The following PTGS1 variants were observed in gnomAD, a reference collection of about 807,000 sequenced individuals.
PTGS1 encodes prostaglandin-endoperoxide synthase 1, also known as prostaglandin G/H synthase 1.
PTGS1 carries 40 observed loss-of-function variants against 63.0 expected under a neutral mutation model. The observed-to-expected ratio is 0.63, with a 90% CI of 0.49 to 0.83. The LOEUF is 0.83. PTGS1 is among the 40% of genes least tolerant of loss of function. The pLI, the probability that PTGS1 is intolerant of heterozygous loss-of-function variation, is 0.00. For synonymous variants in PTGS1, 298 were observed against 301.9 expected (o/e 0.99, Z 0.13); for missense variants, 709 against 786.5 (o/e 0.90, Z 1.18).
chr9:122,394,849 A>G lies in PTGS1; in HGVS notation c.*2305A>G, dbSNP rs1042835390. The stretch of plus-strand genomic sequence containing the variant: ...TCTCAAGACTTTAGCTTTTCCTTCC[A>G]TCCGGTGGCCTATTCCAGGAATTCC... On this transcript the variant is annotated 3_prime_UTR_variant, in exon 11 of 11. Transcript: ENST00000362012. 5 of 151,912 alleles carry G rather than the reference A, an allele frequency of 3.3e-5. No individual in the cohort carries two copies. The highest frequency in any genetic ancestry group is 1.2e-4 in the African/African-American group (5 of 41,320). The allele number at this position is 151,912 out of a possible 1,614,324, so 9.4% of individuals were successfully genotyped here.
At chr9:122,377,232 G>C in intron 2 of PTGS1, among the ~76,000 whole-genome samples, 1 of 151,974 alleles carries the variant, frequency 6.6e-6, no homozygotes, top group East Asian at 1.9e-4. Context: ...GAGGCTGTGG[G>C]GGTGGAGTGG....
chr9:122,377,642 G>A (rs553212745), intron 2 of PTGS1, among the ~76,000 whole-genome samples: 7 of 152,260 alleles, frequency 4.6e-5, no homozygotes, highest in Admixed American at 3.9e-4. Context: ...GGGAGGGGGC[G>A]CTTCCCCTGG....
intron 8 of PTGS1, among the ~76,000 whole-genome samples, chr9:122,384,349 TCAC>T (rs1837739617): frequency 6.6e-6 from 1 of 152,030 alleles, no homozygotes; most frequent in Non-Finnish European, 1.5e-5. Flanking sequence ...TCGCTCTGAG[TCAC>T]CAGTAACTCC....
Position 122,392,204 on chromosome 9 carries a change from C to T in PTGS1, c.1460C>T (p.Ala487Val), listed in dbSNP as rs1487722775. ...FQELVGEKEM[A>V]AELEELYGDI... ...CTCCTTGTAGGAGAGAAGGAGATGGCAGCAGAGTTGGAGGAATTGTATGGA... is the reference window on the plus strand; with the variant it reads ...CTCCTTGTAGGAGAGAAGGAGATGGTAGCAGAGTTGGAGGAATTGTATGGA... Residue 487 changes from alanine to valine, a missense_variant, in exon 11 of 11, where the codon GCA (alanine) becomes GTA (valine). Coordinates refer to ENST00000362012, the MANE Select transcript of PTGS1 (RefSeq NM_000962.4). The T allele has an allele frequency of 6.3e-7, 1 of 1,589,548 alleles. No individual in the cohort carries two copies. Among genetic ancestry groups the T allele is most frequent in the South Asian group, 1.1e-5 (1 of 88,616 alleles).
chr9:122,390,145 C>G, intron 9 of PTGS1, 53 bp from the exon 10 acceptor site: 1 of 1,586,386 alleles, frequency 6.3e-7, no homozygotes, highest in South Asian at 1.2e-5. Context: ...TACCCAGGCT[C>G]CAGGACAGCC....
chr9:122,387,994 C>T (rs1837977691), intron 9 of PTGS1, among the ~76,000 whole-genome samples: 1 of 152,262 alleles, frequency 6.6e-6, no homozygotes, highest in South Asian at 2.1e-4. Context: ...CGGTGGGCAG[C>T]TGCTGGCTGC....
At chr9:122,391,386 C>CAT (rs1325859491) in intron 10 of PTGS1, among the ~76,000 whole-genome samples, 44 of 70,684 alleles carry the variant, frequency 6.2e-4, no homozygotes, top group Middle Eastern at 0.015. Context: ...TATATATATA[C>CAT]ATATATATAT....
At chr9:122,391,374 TATATATATATAC>T (rs1287269555) in intron 10 of PTGS1, among the ~76,000 whole-genome samples, 434 of 81,430 alleles carry the variant, frequency 5.3e-3, no homozygotes, top group Middle Eastern at 0.017. Context: ...TATATATACA[TATATATATATAC>T]ATATATATAT....
chr9:122,377,542 C>A (rs1015225000), intron 2 of PTGS1, among the ~76,000 whole-genome samples: 4 of 151,720 alleles, frequency 2.6e-5, no homozygotes, highest in African/African-American at 9.7e-5. Context: ...CTCTAGAAGC[C>A]CGTGGCTGAG....
chr9:122,380,762 G>A (rs1383776900), intron 5 of PTGS1, among the ~76,000 whole-genome samples: 1 of 152,116 alleles, frequency 6.6e-6, no homozygotes, highest in Non-Finnish European at 1.5e-5. Context: ...CTGGTTCTCT[G>A]CCATGCTTAC....
intron 2 of PTGS1, chr9:122,371,712 GAGA>G (rs1003591885): frequency 7.3e-5 from 110 of 1,501,720 alleles, no homozygotes; most frequent in Middle Eastern, 1.9e-4. Flanking sequence ...ATTGCCAGTG[GAGA>G]AGGTCTCCCC....
At chr9:122,375,584 C>T (rs763385973) in intron 2 of PTGS1, 245 of 764,112 alleles carry the variant, frequency 3.2e-4, no homozygotes, top group Non-Finnish European at 3.6e-4. Flanking sequence ...TTAAGGGAAG[C>T]GGGGGTCCCT....
chr9:122,388,208 C>A (rs1030710477), intron 9 of PTGS1, among the ~76,000 whole-genome samples: 2 of 152,102 alleles, frequency 1.3e-5, no homozygotes, highest in Non-Finnish European at 2.9e-5. Flanking sequence ...GATTTTTTTT[C>A]TTTTTTCTTT....
chr9:122,371,436 C>G (rs10306116), intron 2 of PTGS1, among the ~76,000 whole-genome samples, 164 bp downstream of exon 2: 21 of 152,054 alleles, frequency 1.4e-4, no homozygotes, highest in Admixed American at 1.2e-3. Context: ...TCCCTGAAGC[C>G]CCCCCGGCGG....
In PTGS1 at chr9:122,392,676, C is replaced by CT. The variant is rs138699735; in HGVS notation, c.*135dup. ...TGAGTGTTGGGGTTGACATTTAGAA[C>CT]TTTAAGTCTCACCCATTATCTGGAA... On this transcript the variant is annotated 3_prime_UTR_variant, in exon 11 of 11. Transcript: ENST00000362012. 1,211 of 718,240 alleles carry CT rather than the reference C, an allele frequency of 1.7e-3. 8 individuals carry two copies. Among genetic ancestry groups the CT allele is most frequent in the Middle Eastern group, 3.6e-3 (9 of 2,524 alleles). The allele number at this position is 718,240 out of a possible 1,614,324, so 44.5% of individuals were successfully genotyped here. A position where few individuals can be genotyped will look rare whatever the true frequency, so the allele number is the denominator to read the frequency against.
intron 3 of PTGS1, among the ~76,000 whole-genome samples, 169 bp downstream of exon 3, chr9:122,378,184 C>G (rs1406387816): frequency 6.6e-6 from 1 of 152,178 alleles, no homozygotes; most frequent in Admixed American, 6.5e-5. Flanking sequence ...AGCTCTCGCT[C>G]TTGGTCCACC....
chr9:122,386,627 C>T lies in PTGS1; in HGVS notation c.1191C>T (p.Gly397=). Residue 397 remains glycine (G), a synonymous_variant, in exon 9 of 11, where the codon GGC becomes GGT. Transcript: ENST00000362012. ...TCATGCCTGACTCCTTCAAGGTGGGCTCCCAGGAGTACAGCTACGAGCAGT... is the reference window on the plus strand; with the variant it reads ...TCATGCCTGACTCCTTCAAGGTGGGTTCCCAGGAGTACAGCTACGAGCAGT... The part of the protein sequence containing the change: ...HPLMPDSFKV[G]SQEYSYEQFL... 1 of 1,614,192 alleles carries T rather than the reference C, an allele frequency of 6.2e-7. No individual in the cohort carries two copies. Among genetic ancestry groups the T allele is most frequent in the Non-Finnish European group, 8.5e-7 (1 of 1,180,028 alleles).
At chr9:122,373,066 A>C (rs539784811) in intron 2 of PTGS1, among the ~76,000 whole-genome samples, 1 of 152,274 alleles carries the variant, frequency 6.6e-6, no homozygotes, top group East Asian at 1.9e-4. Flanking sequence ...GAATTGAGGG[A>C]GGCTTCTTGG....
At chr9:122,376,368 G>A (rs978098400) in intron 2 of PTGS1, among the ~76,000 whole-genome samples, 5 of 141,136 alleles carry the variant, frequency 3.5e-5, no homozygotes, top group Non-Finnish European at 6.0e-5. Context: ...GTGTGTGTGT[G>A]TGTGTGTGTG....
Sources: gnomAD v4.1 joint callset for allele counts (sites outside exome capture counted in the v4.1 genomes callset) on GRCh38, gnomAD v4.1.1 for gene constraint, MANE v1.5 for transcripts, NCBI Gene and HGNC (gene_info 2026-07-23, HGNC 2026-07-21) for gene names.